Variants in MALRD1 observed in about 807,000 individuals in gnomAD.
MALRD1 encodes the protein MAM and LDL receptor class A domain containing 1.
In MALRD1, 247 loss-of-function variants were observed where a neutral mutation model predicts 242.1. The observed-to-expected ratio is 1.02, with a 90% CI of 0.92 to 1.13. MALRD1 has a LOEUF of 1.13. MALRD1 is among the 50% of genes most tolerant of loss of function. The pLI, the probability that MALRD1 is intolerant of heterozygous loss-of-function variation, is 0.00. For missense variants in MALRD1, 2,989 were observed against 2,533.1 expected (o/e 1.18, Z -3.86); for synonymous variants, 995 against 866.6 (o/e 1.15, Z -2.60).
chr10:19,488,756 T>G (rs1837340155), intron 29 of MALRD1: 2 of 209,828 alleles, frequency 9.5e-6, no homozygotes, highest in Non-Finnish European at 2.0e-5. Context: ...TATTAGGGGG[T>G]TTGGATTTAT....
At position 19,283,077 on chromosome 10, in the gene MALRD1, AGTAC is replaced by A; in HGVS notation, c.3316_3319del (p.Val1106IlefsTer77). 6.5e-7 allele frequency: 1 copy of A among 1,550,244 alleles called. No homozygotes were observed. Among genetic ancestry groups the A allele is most frequent in the Non-Finnish European group, 8.7e-7 (1 of 1,146,712 alleles). ...TGTGTAAATGGTATCAACCAATCCC[AGTAC>A]ATTTGCTTCAAGATTCAAACACATT... On this transcript the variant is annotated frameshift_variant, in exon 21 of 40. Transcript: ENST00000454679. LOFTEE classifies it high-confidence loss of function.
At chr10:19,049,311 A>T (rs1022975204) in intron 1 of MALRD1, among the ~76,000 whole-genome samples, 174 bp downstream of exon 1, 1 of 152,196 alleles carries the variant, frequency 6.6e-6, no homozygotes. Flanking sequence ...ATGAGTCCAT[A>T]TAAAAAAATT....
At chr10:19,367,726 A>T (rs1190244460) in intron 26 of MALRD1, among the ~76,000 whole-genome samples, 2 of 152,094 alleles carry the variant, frequency 1.3e-5, no homozygotes, top group African/African-American at 4.8e-5. Context: ...ATTCTCAAGA[A>T]GAGTGTATAA....
At chr10:19,422,632 C>A (rs967485852) in intron 28 of MALRD1, among the ~76,000 whole-genome samples, 3 of 152,076 alleles carry the variant, frequency 2.0e-5, no homozygotes, top group Admixed American at 2.0e-4. Flanking sequence ...GTAGAATACC[C>A]TCGACCTATG....
Position 19,491,604 on chromosome 10 carries a change from A to T in MALRD1, c.5117A>T (p.Tyr1706Phe). Residue 1706 changes from tyrosine (Y) to phenylalanine (F), a missense_variant, in exon 30 of 40, where the codon TAT (tyrosine) becomes TTT (phenylalanine). Coordinates refer to ENST00000454679, the MANE Select transcript of MALRD1 (RefSeq NM_001142308.3). ...ATTGCATCCCACCTTCTTTGTGACT[A>T]TAAGCCAGACTGCTCTGATAGGTCT... ...KCIASHLLCD[Y>F]KPDCSDRSDE... is the part of the protein sequence containing the mutation. The T allele has an allele frequency of 6.5e-7, 1 of 1,550,220 alleles. No homozygotes were observed. The highest frequency in any genetic ancestry group is 1.2e-5 in the South Asian group (1 of 84,062).
intron 12 of MALRD1, among the ~76,000 whole-genome samples, chr10:19,163,467 C>A (rs1335555294): frequency 1.4e-5 from 2 of 146,182 alleles, no homozygotes; most frequent in Non-Finnish European, 3.0e-5. Flanking sequence ...ACAATGAACA[C>A]AAAGAAGGAA....
chr10:19,107,675 G>A (rs929777359), intron 5 of MALRD1, among the ~76,000 whole-genome samples: 16 of 148,988 alleles, frequency 1.1e-4, no homozygotes, highest in Admixed American at 5.4e-4. Context: ...CATTTTAGTC[G>A]TTATTTTCTG....
At chr10:19,280,286 C>A (rs1271566581) in intron 20 of MALRD1, 63 bp downstream of exon 20, 6 of 1,266,594 alleles carry the variant, frequency 4.7e-6, no homozygotes, top group Non-Finnish European at 6.3e-6. Flanking sequence ...AGTGTAATCT[C>A]TAAGTAGCAC....
In MALRD1 at chr10:19,128,524, A is replaced by C. The variant is rs74379967; in HGVS notation, c.1110+137A>C. The C allele has an allele frequency of 2.1e-3, 1,044 of 498,666 alleles. 18 individuals carry two copies. The highest frequency in any genetic ancestry group is 0.019 in the African/African-American group (936 of 50,572). 30.9% of individuals were successfully genotyped at this position (498,666 alleles called of 1,614,324 possible). On this transcript the variant is annotated intron_variant, in intron 8 of 39. Coordinates refer to ENST00000454679, the MANE Select transcript of MALRD1 (RefSeq NM_001142308.3). ...GACTTTACTTGGTATACTTTTAAAA[A>C]GAATGATTAAGAAACTAGGATAGGG...
At position 19,318,974 on chromosome 10, in the gene MALRD1, TACACACAC is replaced by T. The variant is rs5783665; in HGVS notation, c.3420-4951_3420-4944del. ...GTACATATAATAACGTACACAGACA[TACACACAC>T]ACACACACACACACACACACACAGT... On this transcript the variant is annotated intron_variant, in intron 21 of 39. Coordinates refer to ENST00000454679, the MANE Select transcript of MALRD1 (RefSeq NM_001142308.3). 5.7e-3 allele frequency among the ~76,000 whole-genome samples: 848 copies of T among 149,022 alleles called. 2 individuals carry two copies. The highest frequency in any genetic ancestry group is 8.3e-3 in the Non-Finnish European group (559 of 67,058).
At chr10:19,672,335 T>A (rs1841959941) in intron 36 of MALRD1, among the ~76,000 whole-genome samples, 1 of 151,760 alleles carries the variant, frequency 6.6e-6, no homozygotes, top group South Asian at 2.1e-4. Context: ...GATTATCTAC[T>A]GCATAGATCA....
intron 14 of MALRD1, among the ~76,000 whole-genome samples, chr10:19,195,896 A>T (rs1836219222): frequency 6.6e-6 from 1 of 152,074 alleles, no homozygotes; most frequent in African/African-American, 2.4e-5. Context: ...CTCCTCAATG[A>T]ATAACACATT....
intron 31 of MALRD1, among the ~76,000 whole-genome samples, chr10:19,506,142 A>T (rs1465003935): frequency 8.5e-5 from 13 of 152,200 alleles, no homozygotes. Context: ...CCTGCTATTC[A>T]TCCTCCCAAT....
At chr10:19,565,034 A>G (rs1373745358) in intron 32 of MALRD1, among the ~76,000 whole-genome samples, 1 of 152,182 alleles carries the variant, frequency 6.6e-6, no homozygotes, top group Non-Finnish European at 1.5e-5. Context: ...TACTGGAGGT[A>G]TTATAAATAA....
In MALRD1 at chr10:19,209,480, C is replaced by T. The variant is rs1256605801; in HGVS notation, c.2791C>T (p.Pro931Ser). Residue 931 changes from proline (P) to serine (S), a missense_variant, in exon 18 of 40, where the codon CCA becomes TCA. Coordinates refer to ENST00000454679, the MANE Select transcript of MALRD1 (RefSeq NM_001142308.3). ...TCAAGACAGTGCTGCCTTACTCAGC[C>T]CAATCCTTAATGCCACTGATACAAA... ...AFQDSAALLS[P>S]ILNATDTKGC... The T allele has an allele frequency of 1.3e-6, 2 of 1,550,666 alleles. No individual in the cohort carries two copies. The highest frequency in any genetic ancestry group is 1.7e-6 in the Non-Finnish European group (2 of 1,147,042).
At chr10:19,469,853 A>G (rs1589127064) in intron 29 of MALRD1, among the ~76,000 whole-genome samples, 1 of 152,176 alleles carries the variant, frequency 6.6e-6, no homozygotes, top group Non-Finnish European at 1.5e-5. Flanking sequence ...GTGTTTGGGG[A>G]TAAGTATACA....
intron 32 of MALRD1, among the ~76,000 whole-genome samples, chr10:19,558,846 G>A (rs2131430307): frequency 6.6e-6 from 1 of 152,088 alleles, no homozygotes; most frequent in African/African-American, 2.4e-5. Context: ...TCAAGGAATT[G>A]GTCAATTACA....
Position 19,062,956 on chromosome 10 carries a change from A to G in MALRD1, c.200-3763A>G, listed in dbSNP as rs531629379. Among the ~76,000 whole-genome samples, 5 of 152,262 alleles carry G rather than the reference A, an allele frequency of 3.3e-5. No individual in the cohort carries two copies. The East Asian group carries it at 7.7e-4, about 24-fold the overall frequency. ...AACCCAGAAGTTCAAGATTAGCCTG[A>G]GTAACATGGCAAAACACCATCTCTA... is the stretch of plus-strand genomic sequence containing the variant. On this transcript the variant is annotated intron_variant, in intron 1 of 39. Transcript: ENST00000454679.
chr10:19,052,566 C>T (rs1371049593), intron 1 of MALRD1, among the ~76,000 whole-genome samples: 1 of 152,160 alleles, frequency 6.6e-6, no homozygotes, highest in Non-Finnish European at 1.5e-5. Context: ...GGGTCTCTGC[C>T]TTCTTCCCTT....
Sources: allele counts gnomAD v4.1 joint callset (sites outside exome capture counted in the v4.1 genomes callset), GRCh38; gene constraint gnomAD v4.1.1; transcripts MANE v1.5; gene names NCBI Gene and HGNC (gene_info 2026-07-23, HGNC 2026-07-21).